SLC14A2: variants seen among roughly 807,000 people sequenced by gnomAD.
SLC14A2 encodes the protein solute carrier family 14 member 2, also known as urea transporter 2.
Under a neutral mutation model 104.6 loss-of-function variants are expected in SLC14A2, and 91 were observed. The ratio of observed to expected loss-of-function variants is 0.87; its 90% confidence interval spans 0.73 to 1.04. The LOEUF (loss-of-function observed/expected upper bound fraction) is 1.04, where lower values mean the gene tolerates loss of function less well. Among genes scored for constraint, SLC14A2 ranks in the 50% least tolerant of loss-of-function variants. The pLI is 0.00. For missense variants in SLC14A2, 1,189 were observed against 1,156.0 expected (o/e 1.03, Z -0.41); for synonymous variants, 476 against 466.4 (o/e 1.02, Z -0.27).
At chr18:45,544,589 A>T (rs1349869161) in intron 2 of SLC14A2, among the ~76,000 whole-genome samples, 1 of 152,152 alleles carries the variant, frequency 6.6e-6, no homozygotes, top group Non-Finnish European at 1.5e-5. Flanking sequence ...AAAGAAAAAA[A>T]CAATTAAAAT....
intron 1 of SLC14A2, among the ~76,000 whole-genome samples, chr18:45,242,325 T>G (rs1289409772): frequency 3.3e-5 from 5 of 152,148 alleles, no homozygotes; most frequent in African/African-American, 9.7e-5. Context: ...TCAAATGTTG[T>G]AAAAACTGCC....
In SLC14A2 at chr18:45,669,320, G is replaced by C; in HGVS notation, c.2051G>C (p.Ser684Thr). ...TCTGCCATCAGCCCCATCCTCTCCA[G>C]TGCCCTGGGTACCATCTTCAGCAAG... ...IMSMSCPILSSALGTIFSKWD... is the reference protein window; with the variant it reads ...IMSMSCPILSTALGTIFSKWD... The change falls in exon 16 of 20, where the codon AGT (serine) becomes ACT (threonine). Residue 684 changes from serine (S) to threonine (T), a missense_variant. Ser to Thr is a moderately conservative substitution (Grantham distance 58). Coordinates refer to ENST00000255226, the MANE Select transcript of SLC14A2 (RefSeq NM_007163.4). 1 of 1,613,024 alleles carries C rather than the reference G, an allele frequency of 6.2e-7. No homozygotes were observed. Among genetic ancestry groups the C allele is most frequent in the African/African-American group, 1.3e-5 (1 of 75,052 alleles).
chr18:45,562,211 C>G (rs1279336555), intron 2 of SLC14A2, among the ~76,000 whole-genome samples: 3 of 152,194 alleles, frequency 2.0e-5, no homozygotes, highest in Admixed American at 6.5e-5. Flanking sequence ...AAGGAGCTTA[C>G]AGTCTAGCAG....
chr18:45,201,400 A>C, the SLC14A2 span, among the ~76,000 whole-genome samples: 2 of 152,100 alleles, frequency 1.3e-5, no homozygotes, highest in African/African-American at 4.8e-5. Flanking sequence ...CCATTTATCT[A>C]TTTAATAACT....
chr18:45,272,035 A>G (rs768880337), intron 1 of SLC14A2, among the ~76,000 whole-genome samples: 2 of 152,098 alleles, frequency 1.3e-5, no homozygotes, highest in Non-Finnish European at 2.9e-5. Context: ...GATACCAAAA[A>G]CATACACTAG....
chr18:45,590,658 T>A (rs1389933798), intron 2 of SLC14A2, among the ~76,000 whole-genome samples: 1 of 152,108 alleles, frequency 6.6e-6, no homozygotes, highest in Non-Finnish European at 1.5e-5. Context: ...GACAGGAACA[T>A]CAGGACCCAC....
At chr18:45,626,842 A>C in intron 3 of SLC14A2, 116 bp from the exon 4 acceptor site, 4 of 363,668 alleles carry the variant, frequency 1.1e-5, no homozygotes, top group Admixed American at 3.1e-5. Flanking sequence ...GGCCTGGCTG[A>C]ATGGGAAGGG....
intron 2 of SLC14A2, among the ~76,000 whole-genome samples, chr18:45,588,375 G>A (rs1472526535): frequency 6.6e-6 from 1 of 152,186 alleles, no homozygotes; most frequent in Non-Finnish European, 1.5e-5. Flanking sequence ...TCTGTTTACA[G>A]GGGACTTGGC....
chr18:45,359,643 A>T (rs938418160), intron 1 of SLC14A2, among the ~76,000 whole-genome samples: 1 of 152,208 alleles, frequency 6.6e-6, no homozygotes, highest in Non-Finnish European at 1.5e-5. Flanking sequence ...AGCAGGTGCC[A>T]GGCTATTTTG....
intron 1 of SLC14A2, among the ~76,000 whole-genome samples, chr18:45,432,817 G>A (rs1265982773): frequency 2.0e-5 from 3 of 152,164 alleles, no homozygotes; most frequent in East Asian, 1.9e-4. Context: ...CAGTCACCAA[G>A]GACTTACTGC....
chr18:45,204,161 A>C, the SLC14A2 span, among the ~76,000 whole-genome samples: 1 of 151,318 alleles, frequency 6.6e-6, no homozygotes, highest in South Asian at 2.1e-4. Context: ...GAGTGGTAAT[A>C]AAAAAATCTA....
chr18:45,604,861 C>T (rs1187341780), intron 2 of SLC14A2, among the ~76,000 whole-genome samples: 1 of 152,154 alleles, frequency 6.6e-6, no homozygotes. Flanking sequence ...ATTAGATTAT[C>T]ATTGCCTTTA....
intron 1 of SLC14A2, among the ~76,000 whole-genome samples, 156 bp downstream of exon 1, chr18:45,615,738 C>A (rs2045054988): frequency 6.6e-6 from 1 of 151,764 alleles, no homozygotes; most frequent in Non-Finnish European, 1.5e-5. Context: ...TCTAATAACA[C>A]TAAAATTAAC....
At chr18:45,217,313 T>C (rs1331268980) in intron 1 of SLC14A2, among the ~76,000 whole-genome samples, 4 of 146,052 alleles carry the variant, frequency 2.7e-5, no homozygotes, top group Non-Finnish European at 1.5e-5. Flanking sequence ...TCATCATATA[T>C]ACATATGTAT....
chr18:45,380,893 C>T (rs1034479105), intron 1 of SLC14A2, among the ~76,000 whole-genome samples: 11 of 152,174 alleles, frequency 7.2e-5, no homozygotes, highest in South Asian at 2.1e-4. Flanking sequence ...AAATAACAAC[C>T]CTTAGCCTTG....
At chr18:45,608,383 G>A (rs904043038) in intron 2 of SLC14A2, among the ~76,000 whole-genome samples, 3 of 152,176 alleles carry the variant, frequency 2.0e-5, no homozygotes, top group African/African-American at 4.8e-5. Context: ...TGCCTTACAA[G>A]GCAGTTCTCA....
chr18:45,235,839 A>ATATATATGTATATATACGTGTATGTGTG, intron 1 of SLC14A2, among the ~76,000 whole-genome samples: 1 of 88,152 alleles, frequency 1.1e-5, no homozygotes, highest in Non-Finnish European at 2.4e-5. Context: ...ATACGTGTAT[A>ATATATATGTATATATACGTGTATGTGTG]TATATATGTA....
intron 2 of SLC14A2, among the ~76,000 whole-genome samples, chr18:45,571,505 G>A (rs1231219964): frequency 6.6e-6 from 1 of 152,230 alleles, no homozygotes; most frequent in Non-Finnish European, 1.5e-5. Context: ...ATGCTTTGAG[G>A]CTACAGAAGG....
At chr18:45,321,711 C>T (rs1002259081) in intron 1 of SLC14A2, among the ~76,000 whole-genome samples, 5 of 152,184 alleles carry the variant, frequency 3.3e-5, no homozygotes, top group South Asian at 2.1e-4. Flanking sequence ...GCAGTAATCA[C>T]GGAGGCAGGC....
Sources: allele counts gnomAD v4.1 joint callset (sites outside exome capture counted in the v4.1 genomes callset), GRCh38; gene constraint gnomAD v4.1.1; transcripts MANE v1.5; gene names NCBI Gene and HGNC (gene_info 2026-07-23, HGNC 2026-07-21).